The following LRP1B variants were observed in gnomAD, a reference collection of about 807,000 sequenced individuals.
LRP1B encodes low-density lipoprotein receptor-related protein 1B.
A neutral mutation model predicts 556.6 loss-of-function variants in LRP1B; 217 were observed. The observed-to-expected ratio is 0.39, with a 90% CI of 0.35 to 0.44. The LOEUF (loss-of-function observed/expected upper bound fraction) is 0.44, where lower values mean the gene tolerates loss of function less well. Ranked by LOEUF, LRP1B falls within the 20% of genes least tolerant of loss-of-function variation. The probability of loss-of-function intolerance (pLI) is 1.00; values close to 1 mark genes in which losing one functional copy is unlikely to be tolerated. For synonymous variants in LRP1B, 2,047 were observed against 1,865.8 expected, an observed-to-expected ratio of 1.10 and a Z score of -2.50; for missense variants, 5,053 against 5,620.8, an observed-to-expected ratio of 0.90 and a Z score of 3.23.
chr2:140,497,304 A>G (rs1186077751), intron 55 of LRP1B, among the ~76,000 whole-genome samples: 1 of 151,924 alleles, frequency 6.6e-6, no homozygotes, highest in African/African-American at 2.4e-5. Flanking sequence ...CAAAAGTCAG[A>G]GCTTGATTTC....
chr2:141,266,561 C>T (rs185022321), intron 3 of LRP1B, among the ~76,000 whole-genome samples: 1 of 151,976 alleles, frequency 6.6e-6, no homozygotes. Flanking sequence ...CACATCAATG[C>T]TAAGAGAATT....
chr2:141,708,546 C>T lies in LRP1B; in HGVS notation c.205+101733G>A, dbSNP rs114847076. On this transcript the variant is annotated intron_variant, in intron 2 of 90. Transcript: ENST00000389484. The stretch of plus-strand genomic sequence containing the variant: ...ATAATAAAAGATGCAGTTTTTGGAC[C>T]ACTTTCCCCAAACTTCCAACAATTC... Among the ~76,000 whole-genome samples, 444 of 152,208 alleles carry T rather than the reference C, an allele frequency of 2.9e-3. 3 individuals are homozygous for T. Among genetic ancestry groups the T allele is most frequent in the African/African-American group, 0.01 (424 of 41,568 alleles).
intron 82 of LRP1B, among the ~76,000 whole-genome samples, chr2:140,318,325 G>A (rs754326947): frequency 4.5e-4 from 69 of 152,056 alleles, no homozygotes; most frequent in Admixed American, 7.9e-4. Flanking sequence ...TTAAATGTAA[G>A]ATTTTCTCTT....
chr2:140,687,519 A>G (rs1686090730), intron 41 of LRP1B, among the ~76,000 whole-genome samples: 1 of 152,062 alleles, frequency 6.6e-6, no homozygotes, highest in Non-Finnish European at 1.5e-5. Context: ...ATTAAAACTC[A>G]ACTAAGAAAA....
At chr2:142,056,915 T>C (rs72849806) in intron 1 of LRP1B, among the ~76,000 whole-genome samples, 10,888 of 115,134 alleles carry the variant, frequency 0.095, 497 homozygotes, top group Non-Finnish European at 0.13. Flanking sequence ...TATTTTTGTT[T>C]ATACTCTGTT....
chr2:141,411,145 A>C (rs1690835950), intron 3 of LRP1B, among the ~76,000 whole-genome samples: 1 of 152,084 alleles, frequency 6.6e-6, no homozygotes, highest in African/African-American at 2.4e-5. Flanking sequence ...GAAATTCAGA[A>C]GATACAGACA....
intron 7 of LRP1B, among the ~76,000 whole-genome samples, chr2:141,114,905 G>C (rs1190886041): frequency 6.6e-6 from 1 of 151,956 alleles, no homozygotes; most frequent in East Asian, 1.9e-4. Context: ...TTTTAAATCA[G>C]GGGCATGCCA....
chr2:141,962,514 AC>A (rs1701429993), intron 1 of LRP1B, among the ~76,000 whole-genome samples: 1 of 151,810 alleles, frequency 6.6e-6, no homozygotes, highest in African/African-American at 2.4e-5. Context: ...ATATTCAACT[AC>A]AACCTACAGA....
intron 3 of LRP1B, among the ~76,000 whole-genome samples, chr2:141,456,853 C>T (rs1238690168): frequency 3.3e-5 from 5 of 152,072 alleles, no homozygotes; most frequent in African/African-American, 1.2e-4. Context: ...CAGCTAAAAT[C>T]TAGGGTTCAT....
At chr2:140,355,857 A>G (rs994006569) in intron 75 of LRP1B, among the ~76,000 whole-genome samples, 5 of 151,852 alleles carry the variant, frequency 3.3e-5, no homozygotes, top group African/African-American at 1.2e-4. Flanking sequence ...AAGTTGACAG[A>G]TTTATGTAGA....
At chr2:140,621,050 T>C (rs540573464) in intron 41 of LRP1B, among the ~76,000 whole-genome samples, 109 of 152,198 alleles carry the variant, frequency 7.2e-4, no homozygotes, top group African/African-American at 2.5e-3. Flanking sequence ...ATATGAGGTA[T>C]AAAGTAACAG....
At chr2:140,547,229 G>C (rs1400399930) in intron 43 of LRP1B, among the ~76,000 whole-genome samples, 1 of 152,048 alleles carries the variant, frequency 6.6e-6, no homozygotes, top group Non-Finnish European at 1.5e-5. Flanking sequence ...AGCAGGAATG[G>C]TACCAGCTTA....
intron 12 of LRP1B, among the ~76,000 whole-genome samples, chr2:141,016,905 A>G (rs745694023): frequency 6.6e-6 from 1 of 152,134 alleles, no homozygotes; most frequent in African/African-American, 2.4e-5. Context: ...GTGCATTTGG[A>G]AAAAGTCTGT....
intron 41 of LRP1B, among the ~76,000 whole-genome samples, chr2:140,616,484 CTT>C (rs11416942): frequency 2.7e-4 from 38 of 140,498 alleles, no homozygotes; most frequent in East Asian, 4.1e-4. Context: ...GTGACTCAGT[CTT>C]TTTTTTTTTT....
At chr2:141,926,543 A>G (rs1265334507) in intron 1 of LRP1B, among the ~76,000 whole-genome samples, 1 of 152,074 alleles carries the variant, frequency 6.6e-6, no homozygotes, top group Non-Finnish European at 1.5e-5. Context: ...ACCACTTCCA[A>G]CCTATTAGAT....
chr2:141,420,717 T>A (rs2104962561), intron 3 of LRP1B, among the ~76,000 whole-genome samples: 1 of 152,304 alleles, frequency 6.6e-6, no homozygotes, highest in African/African-American at 2.4e-5. Context: ...AGGAGAATTC[T>A]CAAGTTGTGC....
chr2:140,867,874 A>G lies in LRP1B; in HGVS notation c.4335-40T>C, dbSNP rs200100879. 48 of 1,491,814 alleles carry G rather than the reference A, an allele frequency of 3.2e-5. No homozygotes were observed. The South Asian group carries it at 4.5e-4, about 14-fold the overall frequency. The allele number at this position is 1,491,814 out of a possible 1,614,324, so 92.4% of individuals were successfully genotyped here. Reference sequence around the variant, plus strand: ...ATACATGAGTAGTTTGTCAAAACTCATTCAACTAGTCCAGAGACATAATCA... The same window carrying G: ...ATACATGAGTAGTTTGTCAAAACTCGTTCAACTAGTCCAGAGACATAATCA... On this transcript the variant is annotated intron_variant, in intron 26 of 90. Transcript: ENST00000389484.
chr2:141,826,802 T>G (rs1696944528), intron 1 of LRP1B, among the ~76,000 whole-genome samples: 1 of 152,252 alleles, frequency 6.6e-6, no homozygotes, highest in Admixed American at 6.5e-5. Context: ...TATAGAATGT[T>G]TATGCACTTA....
chr2:140,605,214 T>C (rs1682824269), intron 41 of LRP1B, among the ~76,000 whole-genome samples: 1 of 152,146 alleles, frequency 6.6e-6, no homozygotes, highest in Non-Finnish European at 1.5e-5. Flanking sequence ...ATATCACCAG[T>C]ATAAAGCATC....
Sources: allele counts gnomAD v4.1 joint callset (sites outside exome capture counted in the v4.1 genomes callset), GRCh38; gene constraint gnomAD v4.1.1; transcripts MANE v1.5; gene names NCBI Gene and HGNC (gene_info 2026-07-23, HGNC 2026-07-21).